Variants in ZNF385D observed in about 807,000 individuals in gnomAD.
ZNF385D encodes the protein zinc finger protein 385D, also known as zinc finger protein 659.
Under a neutral mutation model 35.8 loss-of-function variants are expected in ZNF385D, and 15 were observed. The ratio of observed to expected loss-of-function variants is 0.42; its 90% confidence interval spans 0.28 to 0.64. The LOEUF is 0.64. ZNF385D is among the 30% of genes least tolerant of loss of function. The pLI, the probability that ZNF385D is intolerant of heterozygous loss-of-function variation, is 0.23. For synonymous variants in ZNF385D, 212 were observed against 186.8 expected, an observed-to-expected ratio of 1.13 and a Z score of -1.10; for missense variants, 474 against 494.6, an observed-to-expected ratio of 0.96 and a Z score of 0.39.
chr3:21,985,902 G>A (rs1284147373), intron 3 of ZNF385D, among the ~76,000 whole-genome samples: 2 of 130,286 alleles, frequency 1.5e-5, no homozygotes, highest in African/African-American at 3.3e-5. Flanking sequence ...TTGGGAGAGT[G>A]TATGTGTCGA....
chr3:21,957,209 T>G lies in ZNF385D; in HGVS notation c.325+211608A>C, dbSNP rs565557. ...TGTGGAACTGTAAGTCCAATTAAAC[T>G]TCTTTCTTTTGTAAATTGCCCAGTC... On this transcript the variant is annotated intron_variant, in intron 3 of 5. Transcript: ENST00000494108. 336 of 153,054 alleles carry G rather than the reference T, an allele frequency of 2.2e-3. 1 individual carries two copies. Among genetic ancestry groups the G allele is most frequent in the Non-Finnish European group, 4.2e-3 (286 of 68,672 alleles). 9.5% of individuals were successfully genotyped at this position (153,054 alleles called of 1,614,324 possible).
intron 4 of ZNF385D, among the ~76,000 whole-genome samples, chr3:21,463,747 G>T (rs1325959605): frequency 6.6e-6 from 1 of 152,164 alleles, no homozygotes; most frequent in African/African-American, 2.4e-5. Context: ...CTTCTGATCT[G>T]CAGCCCCTCA....
intron 1 of ZNF385D, among the ~76,000 whole-genome samples, chr3:21,748,333 T>C (rs79190445): frequency 6.6e-6 from 1 of 150,458 alleles, no homozygotes; most frequent in Admixed American, 6.7e-5. Flanking sequence ...CAGGGTCCAG[T>C]TGTCCAGTCC....
At chr3:21,425,383 G>A in intron 6 of ZNF385D, 109 bp downstream of exon 6, 2 of 1,158,656 alleles carry the variant, frequency 1.7e-6, no homozygotes, top group East Asian at 5.4e-5. Context: ...TGGATGAATA[G>A]ATGGGTGAAT....
chr3:22,204,779 G>A lies in ZNF385D; in HGVS notation c.107-35744C>T, dbSNP rs572744068. Among the ~76,000 whole-genome samples, 403 of 151,958 alleles carry A rather than the reference G, an allele frequency of 2.7e-3. 1 individual carries two copies. The highest frequency in any genetic ancestry group is 3.5e-3 in the Non-Finnish European group (241 of 67,956). On this transcript the variant is annotated intron_variant, in intron 2 of 5. Transcript: ENST00000494108. The stretch of plus-strand genomic sequence containing the variant: ...ATTGATCATACAAAAGAGAGAATTA[G>A]TGAGCTTGAGGACAAGCTATTTGAA...
intron 3 of ZNF385D, among the ~76,000 whole-genome samples, chr3:21,982,227 G>T (rs1397386797): frequency 6.6e-6 from 1 of 151,748 alleles, no homozygotes; most frequent in African/African-American, 2.4e-5. Flanking sequence ...TCTTCCATTT[G>T]TTTGTGTCTT....
intron 2 of ZNF385D, among the ~76,000 whole-genome samples, chr3:21,658,034 C>A (rs909200963): frequency 6.6e-6 from 1 of 151,878 alleles, no homozygotes; most frequent in Admixed American, 6.6e-5. Flanking sequence ...ATAATAAAAA[C>A]GTGAAATTTT....
chr3:21,535,925 A>T (rs1010066931), intron 3 of ZNF385D, among the ~76,000 whole-genome samples: 1 of 152,036 alleles, frequency 6.6e-6, no homozygotes, highest in Non-Finnish European at 1.5e-5. Context: ...ACTAATTTGC[A>T]TGAGTCTGTG....
At chr3:22,153,063 G>A (rs2125723467) in intron 3 of ZNF385D, among the ~76,000 whole-genome samples, 1 of 152,234 alleles carries the variant, frequency 6.6e-6, no homozygotes, top group South Asian at 2.1e-4. Context: ...GAGAGCTGAT[G>A]GTTAAAACTG....
chr3:22,109,315 A>T (rs1559375705), intron 3 of ZNF385D, among the ~76,000 whole-genome samples: 2 of 152,312 alleles, frequency 1.3e-5, no homozygotes, highest in East Asian at 1.9e-4. Flanking sequence ...GCATTACAAA[A>T]ATATGAACAT....
chr3:22,060,841 G>A (rs943083443), intron 3 of ZNF385D, among the ~76,000 whole-genome samples: 1 of 151,980 alleles, frequency 6.6e-6, no homozygotes, highest in Admixed American at 6.6e-5. Context: ...AGAAAGTTTT[G>A]CAGTTTAGTT....
At chr3:21,885,900 G>A (rs895708012) in intron 3 of ZNF385D, among the ~76,000 whole-genome samples, 1 of 151,868 alleles carries the variant, frequency 6.6e-6, no homozygotes, top group Non-Finnish European at 1.5e-5. Context: ...GCTCAGTGGA[G>A]GTCAGTCTTT....
chr3:21,484,602 C>T (rs1323246278), intron 4 of ZNF385D, among the ~76,000 whole-genome samples: 2 of 152,132 alleles, frequency 1.3e-5, no homozygotes, highest in Non-Finnish European at 2.9e-5. Context: ...CAAGAGTGTC[C>T]TGCCCTGCAG....
intron 2 of ZNF385D, among the ~76,000 whole-genome samples, chr3:22,330,009 C>T (rs918725832): frequency 4.6e-5 from 7 of 152,102 alleles, no homozygotes; most frequent in African/African-American, 1.7e-4. Context: ...AAACTATGCT[C>T]TGTATTGCTT....
At chr3:22,195,061 A>G (rs1421834359) in intron 2 of ZNF385D, among the ~76,000 whole-genome samples, 2 of 151,858 alleles carry the variant, frequency 1.3e-5, no homozygotes, top group African/African-American at 2.4e-5. Flanking sequence ...TCCCCCCAAG[A>G]AAGTATTATT....
intron 1 of ZNF385D, among the ~76,000 whole-genome samples, chr3:21,669,715 A>G (rs2066504327): frequency 6.6e-6 from 1 of 152,206 alleles, no homozygotes; most frequent in South Asian, 2.1e-4. Context: ...CGCTCACCAC[A>G]TGAGAAATAT....
At chr3:21,660,219 C>T (rs1165749965) in intron 2 of ZNF385D, among the ~76,000 whole-genome samples, 8 of 152,068 alleles carry the variant, frequency 5.3e-5, no homozygotes, top group East Asian at 3.9e-4. Flanking sequence ...AGTAAAATTT[C>T]ATATGCTAAT....
intron 1 of ZNF385D, among the ~76,000 whole-genome samples, chr3:21,725,194 G>T (rs944804555): frequency 6.6e-6 from 1 of 151,904 alleles, no homozygotes; most frequent in African/African-American, 2.4e-5. Context: ...CGTGTAGAGG[G>T]AAATTTATAG....
chr3:21,437,522 T>C (rs1375115380), intron 4 of ZNF385D, among the ~76,000 whole-genome samples: 2 of 152,010 alleles, frequency 1.3e-5, no homozygotes, highest in Non-Finnish European at 2.9e-5. Flanking sequence ...TAATATATTG[T>C]AGTCTCTCAA....
Sources: gnomAD v4.1 joint callset for allele counts (sites outside exome capture counted in the v4.1 genomes callset) on GRCh38, gnomAD v4.1.1 for gene constraint, MANE v1.5 for transcripts, NCBI Gene and HGNC (gene_info 2026-07-23, HGNC 2026-07-21) for gene names.